Variants in MCTP1 observed in about 807,000 individuals in gnomAD.
MCTP1 encodes multiple C2 and transmembrane domain containing 1.
A neutral mutation model predicts 120.6 loss-of-function variants in MCTP1; 69 were observed. The ratio of observed to expected loss-of-function variants is 0.57; its 90% CI spans 0.47 to 0.70. The LOEUF (loss-of-function observed/expected upper bound fraction) is 0.70, where lower values mean the gene tolerates loss of function less well. MCTP1 is among the 30% of genes least tolerant of loss of function. MCTP1 has a pLI of 0.00. For missense variants in MCTP1, 1,203 were observed against 1,248.8 expected (o/e 0.96, Z 0.55); for synonymous variants, 529 against 493.1 (o/e 1.07, Z -0.96).
chr5:95,056,719 T>C (rs1249031075), intron 1 of MCTP1, among the ~76,000 whole-genome samples: 1 of 152,176 alleles, frequency 6.6e-6, no homozygotes, highest in Non-Finnish European at 1.5e-5. Context: ...TTGTGGTCCA[T>C]ATTTTGTGTC....
chr5:94,987,260 C>T (rs1830587618), intron 2 of MCTP1, among the ~76,000 whole-genome samples: 1 of 152,016 alleles, frequency 6.6e-6, no homozygotes, highest in African/African-American at 2.4e-5. Context: ...TATTTGATAG[C>T]TATAATAATT....
intron 1 of MCTP1, among the ~76,000 whole-genome samples, chr5:95,233,618 C>T (rs778114100): frequency 2.6e-5 from 4 of 152,194 alleles, no homozygotes; most frequent in Non-Finnish European, 4.4e-5. Context: ...CGTGAGCCAC[C>T]GCACCTGGCC....
intron 18 of MCTP1, among the ~76,000 whole-genome samples, chr5:94,781,842 C>A (rs1217336709): frequency 6.6e-6 from 1 of 152,154 alleles, no homozygotes; most frequent in Non-Finnish European, 1.5e-5. Context: ...CCCAATACAA[C>A]CATTTGCTTT....
intron 17 of MCTP1, among the ~76,000 whole-genome samples, chr5:94,840,528 C>T (rs1790788469): frequency 1.3e-5 from 2 of 152,274 alleles, no homozygotes; most frequent in South Asian, 2.1e-4. Context: ...TCCTCTGCTG[C>T]TCTAGATGTT....
chr5:95,165,343 A>G (rs1446287141), intron 1 of MCTP1, among the ~76,000 whole-genome samples: 4 of 152,068 alleles, frequency 2.6e-5, no homozygotes, highest in African/African-American at 9.7e-5. Flanking sequence ...TTTATTTGGG[A>G]CCCTCCCCTC....
intron 19 of MCTP1, among the ~76,000 whole-genome samples, chr5:94,749,941 G>C (rs544924052): frequency 6.6e-6 from 1 of 152,214 alleles, no homozygotes; most frequent in East Asian, 1.9e-4. Context: ...AATGAAGCTG[G>C]GATCTAAACT....
chr5:95,277,962 T>G (rs1373270524), intron 1 of MCTP1, among the ~76,000 whole-genome samples: 1 of 152,142 alleles, frequency 6.6e-6, no homozygotes, highest in Non-Finnish European at 1.5e-5. Flanking sequence ...ACAATCTCAT[T>G]ATGTTACAAA....
At chr5:94,832,028 C>G (rs1788626912) in intron 17 of MCTP1, among the ~76,000 whole-genome samples, 1 of 152,196 alleles carries the variant, frequency 6.6e-6, no homozygotes, top group African/African-American at 2.4e-5. Flanking sequence ...CAACCTAGGA[C>G]AAGCTTCTTT....
At chr5:95,121,936 CAAAA>C (rs70978167) in intron 1 of MCTP1, among the ~76,000 whole-genome samples, 1 of 112,744 alleles carries the variant, frequency 8.9e-6, no homozygotes, top group Non-Finnish European at 1.8e-5. Flanking sequence ...TATCCATATG[CAAAA>C]AAAAAAAAAA....
intron 17 of MCTP1, among the ~76,000 whole-genome samples, chr5:94,847,682 G>GTGTATATA (rs1169588105): frequency 3.5e-4 from 36 of 102,400 alleles, no homozygotes; most frequent in African/African-American, 1.4e-3. Flanking sequence ...GTGTGTGTGT[G>GTGTATATA]TATATATATA....
intron 1 of MCTP1, among the ~76,000 whole-genome samples, chr5:95,047,361 G>A (rs1351374654): frequency 6.6e-6 from 1 of 152,096 alleles, no homozygotes. Flanking sequence ...CTCCCTGGCT[G>A]AATGTTTCTC....
At chr5:94,786,066 A>G (rs1358549394) in intron 18 of MCTP1, among the ~76,000 whole-genome samples, 1 of 152,140 alleles carries the variant, frequency 6.6e-6, no homozygotes, top group African/African-American at 2.4e-5. Context: ...TACTTTGAAA[A>G]CAACAACAAC....
intron 19 of MCTP1, among the ~76,000 whole-genome samples, chr5:94,736,709 A>G (rs1219667090): frequency 2.0e-5 from 3 of 152,192 alleles, no homozygotes; most frequent in African/African-American, 7.2e-5. Flanking sequence ...CAAGAAACAC[A>G]GAGTCCATGA....
chr5:94,961,058 G>A (rs1251344725), intron 2 of MCTP1, among the ~76,000 whole-genome samples: 1 of 152,132 alleles, frequency 6.6e-6, no homozygotes. Context: ...TAAAGAAAAT[G>A]TGGCAGATAT....
chr5:94,989,209 G>T (rs1831024426), intron 2 of MCTP1, among the ~76,000 whole-genome samples: 1 of 152,174 alleles, frequency 6.6e-6, no homozygotes, highest in African/African-American at 2.4e-5. Flanking sequence ...TGGATTACAG[G>T]TGTGAGCCAT....
intron 20 of MCTP1, among the ~76,000 whole-genome samples, chr5:94,714,513 T>A (rs1230926112): frequency 6.6e-6 from 1 of 152,200 alleles, no homozygotes; most frequent in Non-Finnish European, 1.5e-5. Context: ...AAAAATGTGC[T>A]AAAATTTAGG....
At chr5:95,139,018 T>C (rs1167789631) in intron 1 of MCTP1, among the ~76,000 whole-genome samples, 1 of 152,192 alleles carries the variant, frequency 6.6e-6, no homozygotes, top group African/African-American at 2.4e-5. Context: ...AAATTAGAGT[T>C]TATATGTTCA....
intron 17 of MCTP1, among the ~76,000 whole-genome samples, chr5:94,833,826 A>G (rs1789100762): frequency 6.6e-6 from 1 of 152,228 alleles, no homozygotes; most frequent in African/African-American, 2.4e-5. Context: ...TGATCTTTCA[A>G]GATGTAGTTT....
chr5:94,747,963 G>A (rs147352071), intron 19 of MCTP1, among the ~76,000 whole-genome samples: 168 of 152,198 alleles, frequency 1.1e-3, no homozygotes, highest in African/African-American at 3.7e-3. Flanking sequence ...AGTGGCGCGC[G>A]CCTGTAATCC....
Sources: gnomAD v4.1 joint callset for allele counts (sites outside exome capture counted in the v4.1 genomes callset) on GRCh38, gnomAD v4.1.1 for gene constraint, MANE v1.5 for transcripts, NCBI Gene and HGNC (gene_info 2026-07-23, HGNC 2026-07-21) for gene names.